The following FER variants were observed in gnomAD, a reference collection of about 807,000 sequenced individuals.
FER encodes FER tyrosine kinase.
In FER, 63 loss-of-function variants were observed where a neutral mutation model predicts 111.0. The ratio of observed to expected loss-of-function variants is 0.57; its 90% CI spans 0.46 to 0.70. FER has a LOEUF of 0.70. Ranked by LOEUF, FER falls within the 30% of genes least tolerant of loss-of-function variation. FER has a pLI of 0.00. For synonymous variants in FER, 327 were observed against 313.9 expected (o/e 1.04, Z -0.44); for missense variants, 914 against 954.0 (o/e 0.96, Z 0.55).
intron 13 of FER, among the ~76,000 whole-genome samples, chr5:108,990,282 TCTC>T (rs1179942821): frequency 6.6e-6 from 1 of 151,932 alleles, no homozygotes. Context: ...TCATTTGAAT[TCTC>T]CTGTAGATAG....
intron 1 of FER, among the ~76,000 whole-genome samples, chr5:108,756,508 T>C (rs2149916749): frequency 6.6e-6 from 1 of 152,146 alleles, no homozygotes; most frequent in South Asian, 2.1e-4. Context: ...TTACTTTTAA[T>C]ATATTTAATA....
intron 17 of FER, among the ~76,000 whole-genome samples, chr5:109,139,233 T>A (rs1753241520): frequency 6.6e-6 from 1 of 152,120 alleles, no homozygotes; most frequent in Non-Finnish European, 1.5e-5. Flanking sequence ...ATCACTTCCT[T>A]GTCTTCCACA....
At chr5:108,850,065 C>T (rs925971855) in intron 5 of FER, among the ~76,000 whole-genome samples, 4 of 151,832 alleles carry the variant, frequency 2.6e-5, no homozygotes, top group Non-Finnish European at 4.4e-5. Flanking sequence ...CATGGTGGTG[C>T]GCGCCTGTAG....
intron 8 of FER, among the ~76,000 whole-genome samples, chr5:108,879,469 T>C (rs2150271930): frequency 6.6e-6 from 1 of 151,974 alleles, no homozygotes; most frequent in African/African-American, 2.4e-5. Flanking sequence ...ATTTGAACTG[T>C]TACTATTATA....
At chr5:109,049,493 G>A (rs1458961075) in intron 16 of FER, among the ~76,000 whole-genome samples, 5 of 152,036 alleles carry the variant, frequency 3.3e-5, no homozygotes, top group East Asian at 3.9e-4. Flanking sequence ...AAGTCAGCAC[G>A]GGCCTGCTAA....
At chr5:108,767,672 A>G (rs965307465) in intron 1 of FER, among the ~76,000 whole-genome samples, 2 of 152,126 alleles carry the variant, frequency 1.3e-5, no homozygotes, top group Non-Finnish European at 2.9e-5. Flanking sequence ...TATAGAGACT[A>G]GGTTTCACTG....
At chr5:109,125,291 A>G (rs1170766433) in intron 17 of FER, among the ~76,000 whole-genome samples, 1 of 152,156 alleles carries the variant, frequency 6.6e-6, no homozygotes, top group East Asian at 1.9e-4. Flanking sequence ...GAGTTCCAAC[A>G]GTTTTGTGAA....
chr5:109,096,926 T>C (rs893617916), intron 16 of FER, among the ~76,000 whole-genome samples: 4 of 149,300 alleles, frequency 2.7e-5, no homozygotes, highest in Non-Finnish European at 5.9e-5. Context: ...ATAATAGTAA[T>C]AGTATAAATA....
intron 9 of FER, chr5:108,891,534 T>C (rs1748050964): frequency 6.6e-6 from 1 of 151,946 alleles, no homozygotes; most frequent in Admixed American, 6.6e-5. Context: ...CTACTGCACT[T>C]GACTAGTCTT....
At chr5:108,984,579 T>C (rs1762367017) in intron 13 of FER, among the ~76,000 whole-genome samples, 1 of 152,060 alleles carries the variant, frequency 6.6e-6, no homozygotes, top group Non-Finnish European at 1.5e-5. Flanking sequence ...TTTTTTTACA[T>C]TCTGTATTAT....
In FER at chr5:108,865,881, A is replaced by G. The variant is rs533799092; in HGVS notation, c.482-1886A>G. ...CAGAGAAATGCAAATCAAAACCACA[A>G]TGAGATACCATCTCACACCAGTTAG... On this transcript the variant is annotated intron_variant, in intron 5 of 19. Coordinates refer to ENST00000281092, the MANE Select transcript of FER (RefSeq NM_005246.4). Among the ~76,000 whole-genome samples, 165 of 152,314 alleles carry G rather than the reference A, an allele frequency of 1.1e-3. 1 individual carries two copies. The highest frequency in any genetic ancestry group is 3.8e-3 in the African/African-American group (156 of 41,580).
intron 13 of FER, among the ~76,000 whole-genome samples, chr5:109,001,707 G>T (rs1764798030): frequency 6.6e-6 from 1 of 152,180 alleles, no homozygotes; most frequent in African/African-American, 2.4e-5. Flanking sequence ...CCTGTTTGCA[G>T]ATGACATGAT....
chr5:108,899,425 A>G (rs1426018026), intron 10 of FER, among the ~76,000 whole-genome samples: 1 of 152,120 alleles, frequency 6.6e-6, no homozygotes, highest in Non-Finnish European at 1.5e-5. Context: ...TGGCTTTGGA[A>G]TATCTTATCT....
intron 13 of FER, among the ~76,000 whole-genome samples, chr5:109,003,540 A>G (rs1765094565): frequency 6.6e-6 from 1 of 152,202 alleles, no homozygotes; most frequent in Non-Finnish European, 1.5e-5. Context: ...TGAGTGCAGC[A>G]CACCAGCATG....
At chr5:108,845,598 CTTCTTTTTCTTT>C (rs765683169) in intron 5 of FER, among the ~76,000 whole-genome samples, 13 of 151,390 alleles carry the variant, frequency 8.6e-5, no homozygotes, top group African/African-American at 2.4e-4. Flanking sequence ...TTTTTTTCTC[CTTCTTTTTCTTT>C]TTCTTTTTCT....
At chr5:109,140,344 C>T (rs1366821063) in intron 17 of FER, among the ~76,000 whole-genome samples, 1 of 152,154 alleles carries the variant, frequency 6.6e-6, no homozygotes, top group Non-Finnish European at 1.5e-5. Flanking sequence ...TGGCATCTAA[C>T]CACAGCATTG....
intron 3 of FER, among the ~76,000 whole-genome samples, chr5:108,827,822 CTTTT>C (rs5870331): frequency 4.1e-5 from 5 of 121,606 alleles, no homozygotes; most frequent in African/African-American, 3.2e-5. Flanking sequence ...GAGTTAGTAT[CTTTT>C]TTTTTTTTTT....
chr5:108,865,070 T>C (rs1172059626), intron 5 of FER, among the ~76,000 whole-genome samples: 1 of 152,244 alleles, frequency 6.6e-6, no homozygotes, highest in Non-Finnish European at 1.5e-5. Flanking sequence ...AAGAGGTCCT[T>C]CACGTCCCTT....
intron 10 of FER, among the ~76,000 whole-genome samples, chr5:108,901,040 A>G (rs191049574): frequency 6.6e-6 from 1 of 152,156 alleles, no homozygotes; most frequent in African/African-American, 2.4e-5. Flanking sequence ...TGTCTTTATA[A>G]AAGAGGGAGT....
Sources: gnomAD v4.1 joint callset for allele counts (sites outside exome capture counted in the v4.1 genomes callset) on GRCh38, gnomAD v4.1.1 for gene constraint, MANE v1.5 for transcripts, NCBI Gene and HGNC (gene_info 2026-07-23, HGNC 2026-07-21) for gene names.